The following PSPC1 variants were observed in gnomAD, a reference collection of about 807,000 sequenced individuals.
PSPC1 encodes paraspeckle protein 1.
Under a neutral mutation model 51.6 loss-of-function variants are expected in PSPC1, and 14 were observed. That is an observed-to-expected ratio of 0.27 (90% CI 0.18 to 0.42). The LOEUF is 0.42. Ranked by LOEUF, PSPC1 falls within the 10% of genes least tolerant of loss-of-function variation. The probability of loss-of-function intolerance (pLI) is 1.00; values close to 1 mark genes in which losing one functional copy is unlikely to be tolerated. For synonymous variants in PSPC1, 193 were observed against 231.9 expected (o/e 0.83, Z 1.53); for missense variants, 406 against 701.1 (o/e 0.58, Z 4.75).
chr13:19,713,074 G>A (rs1472796963), intron 6 of PSPC1, among the ~76,000 whole-genome samples: 1 of 152,134 alleles, frequency 6.6e-6, no homozygotes, highest in African/African-American at 2.4e-5. Context: ...ATTCACAACT[G>A]TGTGCCCACC....
chr13:19,685,188 C>G (rs1362729488), intron 6 of PSPC1, among the ~76,000 whole-genome samples: 1 of 152,232 alleles, frequency 6.6e-6, no homozygotes, highest in Non-Finnish European at 1.5e-5. Context: ...ATCAGCAAAG[C>G]TGCATGGCAC....
intron 6 of PSPC1, among the ~76,000 whole-genome samples, chr13:19,687,637 T>C (rs916397118): frequency 6.6e-6 from 1 of 152,226 alleles, no homozygotes; most frequent in African/African-American, 2.4e-5. Context: ...TTTTAAAACC[T>C]GTCACCCTTG....
At chr13:19,704,489 T>C (rs1480401926) in intron 8 of PSPC1, among the ~76,000 whole-genome samples, 3 of 152,300 alleles carry the variant, frequency 2.0e-5, no homozygotes, top group African/African-American at 4.8e-5. Context: ...CAGGTCTGAG[T>C]CTAACAGGCA....
At chr13:19,713,475 A>T (rs1484385060) in intron 6 of PSPC1, among the ~76,000 whole-genome samples, 1 of 151,208 alleles carries the variant, frequency 6.6e-6, no homozygotes, top group Non-Finnish European at 1.5e-5. Context: ...TGGAGTTCAC[A>T]AAATTTTTGA....
intron 6 of PSPC1, among the ~76,000 whole-genome samples, chr13:19,680,308 C>G (rs1045121179): frequency 5.3e-5 from 8 of 152,190 alleles, no homozygotes; most frequent in African/African-American, 1.9e-4. Context: ...AGCCACCATG[C>G]CCGGCCCAAT....
At chr13:19,765,521 G>GAT in intron 2 of PSPC1, among the ~76,000 whole-genome samples, 1 of 27,116 alleles carries the variant, frequency 3.7e-5, no homozygotes, top group Non-Finnish European at 1.1e-4. Context: ...TTTTTTGAGA[G>GAT]ACGGGTCTCA....
At chr13:19,682,308 A>G (rs963066775) in intron 6 of PSPC1, among the ~76,000 whole-genome samples, 2 of 152,202 alleles carry the variant, frequency 1.3e-5, no homozygotes, top group Non-Finnish European at 2.9e-5. Flanking sequence ...CTGGCTTTTC[A>G]GAATTCTAAT....
At position 19,780,523 on chromosome 13, in the gene PSPC1, GCT is replaced by G. The variant is rs1039774995; in HGVS notation, c.372+1861_372+1862del. ...GATCTGACCTTACCCCCAACCCTGT[GCT>G]CTCTGAAACATGTGCTGTGTCCACT... is the stretch of plus-strand genomic sequence containing the variant. On this transcript the variant is annotated intron_variant, in intron 1 of 8. Coordinates refer to ENST00000338910, the MANE Select transcript of PSPC1 (RefSeq NM_001354909.2). Among the ~76,000 whole-genome samples the G allele has an allele frequency of 7.1e-4, 56 of 79,312 alleles. 1 individual carries two copies. Among genetic ancestry groups the G allele is most frequent in the African/African-American group, 1.9e-3 (51 of 27,292 alleles). The allele number at this position is 79,312 out of a possible 152,430, so 52.0% of individuals were successfully genotyped here.
chr13:19,712,330 T>A (rs2137793020), intron 6 of PSPC1, among the ~76,000 whole-genome samples: 1 of 152,324 alleles, frequency 6.6e-6, no homozygotes, highest in East Asian at 1.9e-4. Flanking sequence ...CAACTACCCC[T>A]TATATACCCT....
intron 2 of PSPC1, among the ~76,000 whole-genome samples, chr13:19,769,540 G>A (rs921847580): frequency 6.0e-5 from 9 of 149,770 alleles, no homozygotes; most frequent in African/African-American, 2.0e-4. Flanking sequence ...GGGACAGAGC[G>A]AGACTCCGTC....
intron 5 of PSPC1, among the ~76,000 whole-genome samples, chr13:19,734,166 T>C (rs1260371584): frequency 6.6e-6 from 1 of 152,190 alleles, no homozygotes; most frequent in Non-Finnish European, 1.5e-5. Context: ...AATGCTTTAA[T>C]GACCACCTTT....
At chr13:19,736,691 A>T (rs901746372) in intron 5 of PSPC1, among the ~76,000 whole-genome samples, 20 of 152,286 alleles carry the variant, frequency 1.3e-4, no homozygotes, top group African/African-American at 4.6e-4. Context: ...TCGAAAAAAT[A>T]AATAAAATAA....
chr13:19,692,908 A>G (rs775000223), intron 6 of PSPC1, among the ~76,000 whole-genome samples: 1 of 152,176 alleles, frequency 6.6e-6, no homozygotes, highest in Non-Finnish European at 1.5e-5. Flanking sequence ...TCCCTGATCT[A>G]TGTGGTCTCT....
intron 2 of PSPC1, among the ~76,000 whole-genome samples, chr13:19,764,464 T>G (rs944204772): frequency 6.6e-6 from 1 of 152,042 alleles, no homozygotes; most frequent in Non-Finnish European, 1.5e-5. Context: ...TCTTTCCTCA[T>G]TGTGGCTGAT....
chr13:19,680,737 T>C (rs539025472), intron 6 of PSPC1, among the ~76,000 whole-genome samples: 1 of 152,294 alleles, frequency 6.6e-6, no homozygotes, highest in South Asian at 2.1e-4. Flanking sequence ...CAGAATAAAA[T>C]TGGGTCACTA....
At chr13:19,720,679 A>G (rs1370192034) in intron 6 of PSPC1, among the ~76,000 whole-genome samples, 1 of 152,228 alleles carries the variant, frequency 6.6e-6, no homozygotes, top group African/African-American at 2.4e-5. Context: ...AATCATATCA[A>G]TTGGTTAAAA....
intron 1 of PSPC1, among the ~76,000 whole-genome samples, chr13:19,776,750 G>T (rs998831384): frequency 6.6e-6 from 1 of 151,518 alleles, no homozygotes; most frequent in Non-Finnish European, 1.5e-5. Flanking sequence ...CTCATGATAC[G>T]CCTGCCTCGG....
chr13:19,736,616 G>C (rs1293096951), intron 5 of PSPC1, among the ~76,000 whole-genome samples: 1 of 152,156 alleles, frequency 6.6e-6, no homozygotes, highest in African/African-American at 2.4e-5. Flanking sequence ...CTGGGAGGCA[G>C]AGCTTGCAGT....
chr13:19,731,975 A>C (rs1419991558), intron 5 of PSPC1, among the ~76,000 whole-genome samples: 1 of 152,182 alleles, frequency 6.6e-6, no homozygotes, highest in East Asian at 1.9e-4. Context: ...GATTACTCTT[A>C]TAACGTACTT....
Sources: allele counts gnomAD v4.1 joint callset (sites outside exome capture counted in the v4.1 genomes callset), GRCh38; gene constraint gnomAD v4.1.1; transcripts MANE v1.5; gene names NCBI Gene and HGNC (gene_info 2026-07-23, HGNC 2026-07-21).